The following TTC29 variants were observed in gnomAD, a reference collection of about 807,000 sequenced individuals.
TTC29 encodes the protein tetratricopeptide repeat protein 29.
In TTC29, 49 loss-of-function variants were observed where a neutral mutation model predicts 58.1. The observed-to-expected ratio is 0.84, with a 90% CI of 0.67 to 1.07. The LOEUF (loss-of-function observed/expected upper bound fraction) is 1.07. Among genes scored for constraint, TTC29 ranks in the 50% least tolerant of loss-of-function variants. The probability of loss-of-function intolerance (pLI) is 0.00; values close to 1 mark genes in which losing one functional copy is unlikely to be tolerated. For missense variants in TTC29, 582 were observed against 555.6 expected (o/e 1.05, Z -0.48); for synonymous variants, 209 against 196.8 (o/e 1.06, Z -0.52).
At chr4:146,746,567 A>T (rs563679067) in intron 11 of TTC29, among the ~76,000 whole-genome samples, 1 of 152,226 alleles carries the variant, frequency 6.6e-6, no homozygotes, top group Admixed American at 6.5e-5. Context: ...TTTGGTTTAC[A>T]AGTATTTTCC....
chr4:146,825,053 C>T (rs539215713), intron 9 of TTC29, among the ~76,000 whole-genome samples: 1 of 152,074 alleles, frequency 6.6e-6, no homozygotes, highest in Non-Finnish European at 1.5e-5. Context: ...ATAAAACCAG[C>T]TCCTGGATTC....
intron 11 of TTC29, among the ~76,000 whole-genome samples, chr4:146,750,327 A>G (rs1360206921): frequency 6.6e-6 from 1 of 152,164 alleles, no homozygotes; most frequent in East Asian, 1.9e-4. Flanking sequence ...CTTTTAAGAA[A>G]CATTTAAGAA....
chr4:146,849,644 T>C (rs1729390083), intron 8 of TTC29, among the ~76,000 whole-genome samples: 1 of 152,168 alleles, frequency 6.6e-6, no homozygotes. Flanking sequence ...GGTCATTCCT[T>C]TGCCTGAAAT....
At chr4:146,876,689 C>A (rs764805241) in intron 6 of TTC29, among the ~76,000 whole-genome samples, 2 of 152,142 alleles carry the variant, frequency 1.3e-5, no homozygotes, top group Non-Finnish European at 2.9e-5. Context: ...ATAATCCCAG[C>A]ACTTTGGGAG....
At chr4:146,836,950 G>T (rs944140828) in intron 8 of TTC29, among the ~76,000 whole-genome samples, 1 of 151,890 alleles carries the variant, frequency 6.6e-6, no homozygotes, top group Non-Finnish European at 1.5e-5. Flanking sequence ...TCCTCAAAGG[G>T]CTAGAAACAG....
At chr4:146,777,141 G>A (rs963579144) in intron 11 of TTC29, among the ~76,000 whole-genome samples, 1 of 152,254 alleles carries the variant, frequency 6.6e-6, no homozygotes, top group East Asian at 1.9e-4. Context: ...CAGTAGTGCA[G>A]TCGGGTATCC....
chr4:146,854,371 G>A (rs1462016424), intron 8 of TTC29, among the ~76,000 whole-genome samples: 2 of 152,142 alleles, frequency 1.3e-5, no homozygotes, highest in Admixed American at 6.5e-5. Context: ...GTGTATTTGA[G>A]CAAGAACTAT....
intron 11 of TTC29, among the ~76,000 whole-genome samples, chr4:146,771,153 A>G (rs1336662529): frequency 6.6e-6 from 1 of 152,118 alleles, no homozygotes; most frequent in Non-Finnish European, 1.5e-5. Context: ...GAATATGCCC[A>G]GAAGCAGAGA....
chr4:146,741,380 G>A (rs922382610), intron 11 of TTC29, among the ~76,000 whole-genome samples: 9 of 152,050 alleles, frequency 5.9e-5, no homozygotes, highest in Non-Finnish European at 1.0e-4. Context: ...GGGTTTGGAT[G>A]GTCATCATTT....
chr4:146,749,099 C>T (rs987028616), intron 11 of TTC29, among the ~76,000 whole-genome samples: 4 of 149,976 alleles, frequency 2.7e-5, no homozygotes, highest in African/African-American at 7.4e-5. Flanking sequence ...AGGAGGATTG[C>T]TTTTAGCCAG....
chr4:146,753,404 A>C (rs2150051166), intron 11 of TTC29, among the ~76,000 whole-genome samples: 2 of 152,326 alleles, frequency 1.3e-5, no homozygotes, highest in South Asian at 4.1e-4. Context: ...AGGAAACAAC[A>C]GGTGCTGGAG....
chr4:146,786,524 A>G (rs1749027686), intron 11 of TTC29, among the ~76,000 whole-genome samples: 1 of 151,990 alleles, frequency 6.6e-6, no homozygotes, highest in South Asian at 2.1e-4. Flanking sequence ...TGCAGGTTCT[A>G]CTCTAAACCT....
intron 2 of TTC29, among the ~76,000 whole-genome samples, chr4:146,943,169 CTTTTTTTTTTTTTTTT>C (rs61184684): frequency 1.7e-5 from 1 of 59,474 alleles, no homozygotes; most frequent in Non-Finnish European, 3.7e-5. Context: ...ATCAACTGTG[CTTTTTTTTTTTTTTTT>C]TTTTTTTTTT....
intron 11 of TTC29, among the ~76,000 whole-genome samples, chr4:146,787,622 A>ATCT (rs1488247222): frequency 6.6e-6 from 1 of 152,172 alleles, no homozygotes; most frequent in Non-Finnish European, 1.5e-5. Flanking sequence ...TCTTCAGAAA[A>ATCT]TCTTCTGTGA....
intron 11 of TTC29, among the ~76,000 whole-genome samples, chr4:146,763,291 T>C (rs369301076): frequency 2.6e-5 from 4 of 152,142 alleles, no homozygotes; most frequent in African/African-American, 7.2e-5. Flanking sequence ...TCAACAGTTA[T>C]ATATTCTTGG....
In TTC29 at chr4:146,728,911, G is replaced by A. The variant is rs576270625; in HGVS notation, c.1331-21360C>T. ...TGTGTGTATGTATATATATATGTAC[G>A]TATCTGTCTAGATGCCCTCTAGTGA... On this transcript the variant is annotated intron_variant, in intron 11 of 12. Transcript: ENST00000325106. Among the ~76,000 whole-genome samples the A allele has an allele frequency of 4.4e-5, 6 of 137,294 alleles. No individual in the cohort carries two copies. In the South Asian group the frequency reaches 7.1e-4, roughly 16 times the overall value. The allele number at this position is 137,294 out of a possible 152,430, so 90.1% of individuals were successfully genotyped here. A position where few individuals can be genotyped will look rare whatever the true frequency, so the allele number is the denominator to read the frequency against.
chr4:146,902,263 C>A (rs1201662409), intron 6 of TTC29, among the ~76,000 whole-genome samples: 1 of 152,046 alleles, frequency 6.6e-6, no homozygotes, highest in Non-Finnish European at 1.5e-5. Flanking sequence ...GCTCTGACTG[C>A]TGGTGTGTCC....
chr4:146,798,201 A>C (rs1749959310), intron 11 of TTC29, among the ~76,000 whole-genome samples: 1 of 152,054 alleles, frequency 6.6e-6, no homozygotes, highest in Non-Finnish European at 1.5e-5. Flanking sequence ...CACAAAGTAA[A>C]GTATATGAAG....
At chr4:146,898,052 G>C (rs909846900) in intron 6 of TTC29, among the ~76,000 whole-genome samples, 4 of 152,170 alleles carry the variant, frequency 2.6e-5, no homozygotes, top group Non-Finnish European at 5.9e-5. Context: ...GTACTGAGAA[G>C]AAAGCTGAAC....
Sources: gnomAD v4.1 joint callset for allele counts (sites outside exome capture counted in the v4.1 genomes callset) on GRCh38, gnomAD v4.1.1 for gene constraint, MANE v1.5 for transcripts, NCBI Gene and HGNC (gene_info 2026-07-23, HGNC 2026-07-21) for gene names.